The following CACNB2 variants were observed in gnomAD, a reference collection of about 807,000 sequenced individuals.
CACNB2 encodes the protein calcium voltage-gated channel auxiliary subunit beta 2.
A neutral mutation model predicts 73.3 loss-of-function variants in CACNB2; 42 were observed. The observed-to-expected ratio is 0.57, with a 90% CI of 0.45 to 0.74. The LOEUF is 0.74. Ranked by LOEUF, CACNB2 falls within the 30% of genes least tolerant of loss-of-function variation. The pLI is 0.00. For synonymous variants in CACNB2, 348 were observed against 310.3 expected (o/e 1.12, Z -1.28); for missense variants, 940 against 853.0 (o/e 1.10, Z -1.27).
intron 2 of CACNB2, among the ~76,000 whole-genome samples, chr10:18,348,683 A>G (rs1409594238): frequency 1.3e-5 from 2 of 152,070 alleles, no homozygotes; most frequent in Admixed American, 6.5e-5. Context: ...TTGTATTTTT[A>G]GTAGAGATGG....
At position 18,171,521 on chromosome 10, in the gene CACNB2, G is replaced by GGAAAAAA. The variant is rs1185764878; in HGVS notation, c.213+20546_213+20547insGAAAAAA. 1.5e-4 allele frequency among the ~76,000 whole-genome samples: 5 copies of GGAAAAAA among 32,602 alleles called. 1 individual carries two copies. The highest frequency in any genetic ancestry group is 1.1e-4 in the Non-Finnish European group (2 of 17,508). 21.4% of individuals were successfully genotyped at this position (32,602 alleles called of 152,430 possible). On this transcript the variant is annotated intron_variant, in intron 2 of 13. Coordinates refer to ENST00000324631, the MANE Select transcript of CACNB2 (RefSeq NM_201596.3). Reference sequence around the variant, plus strand: ...TCCCTTCTTCCCGGCTTTGATAGCAGAAAAAAAAAAAAAAAAAAAAAAAAA... The same window carrying GGAAAAAA: ...TCCCTTCTTCCCGGCTTTGATAGCAGGAAAAAAAAAAAAAAAAAAAAAAAAAAAAAAA...
rs552383744 is a variant in CACNB2, at chr10:18,398,888, A to G, written c.214-3036A>G. On this transcript the variant is annotated intron_variant, in intron 2 of 13. Coordinates refer to ENST00000324631, the MANE Select transcript of CACNB2 (RefSeq NM_201596.3). ...GAAGAGATTTTTGTTTTTAACTGCT[A>G]TTTAAACCTGGAAACAGGTCTCAAA... Among the ~76,000 whole-genome samples, 5 of 152,296 alleles carry G rather than the reference A, an allele frequency of 3.3e-5. No individual in the cohort carries two copies. The South Asian group carries it at 1.0e-3, about 32-fold the overall frequency.
intron 2 of CACNB2, among the ~76,000 whole-genome samples, chr10:18,385,485 G>A (rs2043191391): frequency 6.7e-6 from 1 of 149,952 alleles, no homozygotes; most frequent in Admixed American, 6.7e-5. Flanking sequence ...AAATTAGCTG[G>A]GCGTGGTGGT....
At chr10:18,194,969 C>T (rs1480775347) in intron 2 of CACNB2, among the ~76,000 whole-genome samples, 1 of 152,144 alleles carries the variant, frequency 6.6e-6, no homozygotes, top group Non-Finnish European at 1.5e-5. Flanking sequence ...CTAAATTCAG[C>T]ATTTGGAGAC....
intron 12 of CACNB2, 47 bp downstream of exon 12, chr10:18,536,243 C>CTTTTTTTT (rs904187820): frequency 2.2e-4 from 62 of 283,158 alleles, no homozygotes; most frequent in African/African-American, 1.6e-3. Flanking sequence ...GAGATCAGAC[C>CTTTTTTTT]TTTTTTTTTT....
chr10:18,488,620 G>T (rs2049215140), intron 3 of CACNB2, among the ~76,000 whole-genome samples: 1 of 152,004 alleles, frequency 6.6e-6, no homozygotes, highest in South Asian at 2.1e-4. Context: ...ACATGTGAAG[G>T]TGTTCATTTA....
intron 2 of CACNB2, among the ~76,000 whole-genome samples, chr10:18,289,530 G>A (rs542272222): frequency 2.0e-5 from 3 of 152,010 alleles, no homozygotes; most frequent in South Asian, 2.1e-4. Context: ...TCCTGACCTC[G>A]TGATCTGCCC....
chr10:18,449,219 C>G (rs1479804497), intron 3 of CACNB2, among the ~76,000 whole-genome samples: 2 of 152,006 alleles, frequency 1.3e-5, no homozygotes, highest in African/African-American at 2.4e-5. Flanking sequence ...CCCGTCTCTA[C>G]TAAAAATACA....
intron 2 of CACNB2, among the ~76,000 whole-genome samples, chr10:18,249,036 C>T (rs2036982514): frequency 6.6e-6 from 1 of 152,202 alleles, no homozygotes. Context: ...CTCACCTACT[C>T]CTGAGAGGTC....
At chr10:18,503,688 T>G (rs1182340025) in intron 5 of CACNB2, among the ~76,000 whole-genome samples, 1 of 152,182 alleles carries the variant, frequency 6.6e-6, no homozygotes, top group Non-Finnish European at 1.5e-5. Context: ...TTTGTTGAGG[T>G]TTGAAGTTAT....
At position 18,542,726 on chromosome 10, in the gene CACNB2, A is replaced by C. The variant is rs993073646; in HGVS notation, c.*3002A>C. 6.6e-6 allele frequency: 1 copy of C among 152,198 alleles called. No individual in the cohort carries two copies. Among genetic ancestry groups the C allele is most frequent in the African/African-American group, 2.4e-5 (1 of 41,458 alleles). 9.4% of individuals were successfully genotyped at this position (152,198 alleles called of 1,614,324 possible). A position where few individuals can be genotyped will look rare whatever the true frequency, so the allele number is the denominator to read the frequency against. ...GTGTAAACTGTGTAGTAAATCTGTA[A>C]ATGAGGAAATAATCTCAAGGGCAAT... On this transcript the variant is annotated 3_prime_UTR_variant, in exon 14 of 14. Transcript: ENST00000324631.
chr10:18,292,163 T>G (rs977547446), intron 2 of CACNB2, among the ~76,000 whole-genome samples: 1 of 152,216 alleles, frequency 6.6e-6, no homozygotes, highest in Non-Finnish European at 1.5e-5. Flanking sequence ...AAGTCAAATG[T>G]TAAGGGTAGA....
intron 2 of CACNB2, among the ~76,000 whole-genome samples, chr10:18,258,509 C>T (rs150415089): frequency 7.7e-4 from 117 of 152,126 alleles, no homozygotes; most frequent in African/African-American, 2.5e-3. Context: ...GGGCGGATCA[C>T]GAGGACTGGA....
chr10:18,299,912 A>G (rs992311588), intron 2 of CACNB2, among the ~76,000 whole-genome samples: 3 of 152,198 alleles, frequency 2.0e-5, no homozygotes, highest in Non-Finnish European at 2.9e-5. Flanking sequence ...TAGATTTCTT[A>G]GTCTGGCCTT....
intron 2 of CACNB2, among the ~76,000 whole-genome samples, chr10:18,353,308 G>T (rs566346182): frequency 7.2e-5 from 11 of 152,060 alleles, no homozygotes; most frequent in African/African-American, 2.7e-4. Context: ...TACTCTGGAG[G>T]CTGAGGCAGG....
chr10:18,510,814 A>G (rs1190860150), intron 6 of CACNB2, among the ~76,000 whole-genome samples: 1 of 152,216 alleles, frequency 6.6e-6, no homozygotes, highest in African/African-American at 2.4e-5. Flanking sequence ...GAGAAAGATA[A>G]AACCTGTGGG....
At chr10:18,188,145 TC>T (rs1288278192) in intron 2 of CACNB2, among the ~76,000 whole-genome samples, 1 of 152,216 alleles carries the variant, frequency 6.6e-6, no homozygotes, top group Non-Finnish European at 1.5e-5. Context: ...TTTCAGAGCT[TC>T]AGAATTTTTA....
At chr10:18,264,335 C>G (rs1387593992) in intron 2 of CACNB2, among the ~76,000 whole-genome samples, 1 of 152,148 alleles carries the variant, frequency 6.6e-6, no homozygotes, top group Non-Finnish European at 1.5e-5. Context: ...TCCAATTATA[C>G]CCTTTTAGTT....
intron 2 of CACNB2, among the ~76,000 whole-genome samples, chr10:18,316,221 T>C (rs543395473): frequency 6.6e-6 from 1 of 152,204 alleles, no homozygotes; most frequent in Admixed American, 6.5e-5. Flanking sequence ...ATTTCCCAGG[T>C]GTTTTAAAGT....
Sources: allele counts gnomAD v4.1 joint callset (sites outside exome capture counted in the v4.1 genomes callset), GRCh38; gene constraint gnomAD v4.1.1; transcripts MANE v1.5; gene names NCBI Gene and HGNC (gene_info 2026-07-23, HGNC 2026-07-21).